The following PDGFD variants were observed in gnomAD, a reference collection of about 807,000 sequenced individuals.
PDGFD encodes the protein platelet derived growth factor D.
Under a neutral mutation model 44.7 loss-of-function variants are expected in PDGFD, and 30 were observed. The ratio of observed to expected loss-of-function variants is 0.67; its 90% confidence interval spans 0.50 to 0.91. The LOEUF is 0.91. PDGFD is among the 40% of genes least tolerant of loss of function. The pLI is 0.00. For synonymous variants in PDGFD, 173 were observed against 168.4 expected (o/e 1.03, Z -0.21); for missense variants, 445 against 457.8 (o/e 0.97, Z 0.25).
intron 6 of PDGFD, among the ~76,000 whole-genome samples, chr11:103,924,918 C>G (rs1300006981): frequency 6.6e-6 from 1 of 152,104 alleles, no homozygotes; most frequent in East Asian, 1.9e-4. Flanking sequence ...CACCCTTTAA[C>G]CCATCACCTA....
intron 6 of PDGFD, among the ~76,000 whole-genome samples, chr11:103,919,693 G>C (rs1858181733): frequency 1.3e-5 from 2 of 151,768 alleles, no homozygotes; most frequent in Non-Finnish European, 2.9e-5. Flanking sequence ...ATTTTTAGTA[G>C]AGATGGGGTT....
At position 103,924,099 on chromosome 11, in the gene PDGFD, C is replaced by T. The variant is rs1858266696; in HGVS notation, c.987+2813G>A. 3.3e-5 allele frequency among the ~76,000 whole-genome samples: 5 copies of T among 152,166 alleles called. No homozygotes were observed. In the South Asian group the frequency reaches 1.0e-3, roughly 32 times the overall value. ...TTCAGTGTTCTTCAAAACTAACTGG[C>T]TGGGAGGCAAGGGTCTTTGGGGGTC... On this transcript the variant is annotated intron_variant, in intron 6 of 6. Transcript: ENST00000393158.
intron 3 of PDGFD, among the ~76,000 whole-genome samples, chr11:103,991,116 G>A (rs913231905): frequency 7.3e-5 from 11 of 151,242 alleles, no homozygotes; most frequent in South Asian, 4.2e-4. Flanking sequence ...TCCAGCCTAG[G>A]CGACAGAAAG....
At chr11:103,953,688 A>G (rs1032437756) in intron 3 of PDGFD, among the ~76,000 whole-genome samples, 1 of 152,196 alleles carries the variant, frequency 6.6e-6, no homozygotes, top group African/African-American at 2.4e-5. Flanking sequence ...TATCTCATAA[A>G]GAGGATTCTT....
chr11:104,004,885 T>TTC (rs1859677018), intron 1 of PDGFD, among the ~76,000 whole-genome samples: 2 of 142,346 alleles, frequency 1.4e-5, no homozygotes, highest in East Asian at 4.0e-4. Context: ...TTTTTTTTTT[T>TTC]TTTTTTTTTT....
intron 1 of PDGFD, among the ~76,000 whole-genome samples, chr11:104,137,335 T>C (rs1315031532): frequency 6.6e-6 from 1 of 151,038 alleles, no homozygotes; most frequent in Admixed American, 6.6e-5. Flanking sequence ...CTTATCAACA[T>C]ACATTCAATC....
chr11:104,106,637 T>C (rs550137725), intron 1 of PDGFD, among the ~76,000 whole-genome samples: 5 of 152,010 alleles, frequency 3.3e-5, no homozygotes, highest in Non-Finnish European at 7.4e-5. Context: ...TTCCAGGCCT[T>C]TAGAAAACTT....
chr11:104,120,262 G>A (rs73614584), intron 1 of PDGFD, among the ~76,000 whole-genome samples: 1,536 of 151,614 alleles, frequency 0.01, 23 homozygotes, highest in African/African-American at 0.035. Flanking sequence ...GTTGCAATTG[G>A]CATCTATCTG....
intron 3 of PDGFD, among the ~76,000 whole-genome samples, chr11:103,991,144 A>G (rs921825350): frequency 1.1e-4 from 16 of 140,762 alleles, no homozygotes; most frequent in Admixed American, 8.2e-4. Flanking sequence ...AACTCAAAAA[A>G]GAAAAAAAAA....
At chr11:103,980,754 A>G (rs1859258912) in intron 3 of PDGFD, among the ~76,000 whole-genome samples, 6 of 152,026 alleles carry the variant, frequency 3.9e-5, no homozygotes. Flanking sequence ...GGGATTAGCA[A>G]CCTTATGAAA....
intron 1 of PDGFD, among the ~76,000 whole-genome samples, chr11:104,084,418 A>ATT (rs1465218037): frequency 1.3e-5 from 2 of 152,062 alleles, no homozygotes; most frequent in African/African-American, 4.8e-5. Context: ...GGAAGAAGAA[A>ATT]GGGCTGGTAT....
At chr11:103,958,655 A>G (rs1858891899) in intron 3 of PDGFD, among the ~76,000 whole-genome samples, 1 of 152,126 alleles carries the variant, frequency 6.6e-6, no homozygotes, top group Non-Finnish European at 1.5e-5. Context: ...TGTGGTTAAG[A>G]GAGGAAATAC....
chr11:103,999,695 G>T (rs1387226961), intron 2 of PDGFD, among the ~76,000 whole-genome samples: 1 of 152,182 alleles, frequency 6.6e-6, no homozygotes, highest in Non-Finnish European at 1.5e-5. Flanking sequence ...CCCATGGCAG[G>T]CTTTGACCAC....
chr11:103,990,171 G>T (rs187727445), intron 3 of PDGFD, among the ~76,000 whole-genome samples: 1 of 152,280 alleles, frequency 6.6e-6, no homozygotes, highest in African/African-American at 2.4e-5. Context: ...CTACTGGGTT[G>T]CTTCCCTCTC....
intron 1 of PDGFD, among the ~76,000 whole-genome samples, chr11:104,151,907 C>T (rs1051950488): frequency 2.0e-5 from 3 of 151,784 alleles, no homozygotes; most frequent in Non-Finnish European, 4.4e-5. Flanking sequence ...ATCATCAAGA[C>T]GGAATCTCGA....
rs1043659965 is a variant in PDGFD, at chr11:104,018,318, A to G, written c.125-18063T>C. On this transcript the variant is annotated intron_variant, in intron 1 of 6. Transcript: ENST00000393158. ...AGGCAAGATGCTTCTGTGCACTTACATATCAGTAAACAGAACTGAAGAAGT... is the reference window on the plus strand; with the variant it reads ...AGGCAAGATGCTTCTGTGCACTTACGTATCAGTAAACAGAACTGAAGAAGT... Among the ~76,000 whole-genome samples the G allele has an allele frequency of 4.6e-5, 7 of 152,212 alleles. No individual in the cohort carries two copies. The East Asian group carries it at 5.8e-4, about 13-fold the overall frequency.
intron 3 of PDGFD, among the ~76,000 whole-genome samples, chr11:103,956,082 T>C (rs1002034099): frequency 5.5e-4 from 83 of 152,000 alleles, no homozygotes; most frequent in African/African-American, 1.9e-3. Context: ...TTTTTTTTTT[T>C]TTAAGTTTTA....
intron 1 of PDGFD, among the ~76,000 whole-genome samples, chr11:104,048,614 A>G (rs1232688373): frequency 6.6e-6 from 1 of 152,196 alleles, no homozygotes; most frequent in East Asian, 1.9e-4. Context: ...TTTTCCTGAC[A>G]GACTAACCTT....
chr11:104,119,510 ATAT>A (rs1165693546), intron 1 of PDGFD, among the ~76,000 whole-genome samples: 1 of 44,674 alleles, frequency 2.2e-5, no homozygotes, highest in Non-Finnish European at 3.7e-5. Flanking sequence ...AATATATAAT[ATAT>A]TAATATAATA....
Sources: gnomAD v4.1 joint callset for allele counts (sites outside exome capture counted in the v4.1 genomes callset) on GRCh38, gnomAD v4.1.1 for gene constraint, MANE v1.5 for transcripts, NCBI Gene and HGNC (gene_info 2026-07-23, HGNC 2026-07-21) for gene names.